Variants in VAV2 observed in about 807,000 individuals in gnomAD.
VAV2 encodes guanine nucleotide exchange factor VAV2.
Under a neutral mutation model 132.5 loss-of-function variants are expected in VAV2, and 67 were observed. The observed-to-expected ratio is 0.51, with a 90% CI of 0.42 to 0.62. The LOEUF (loss-of-function observed/expected upper bound fraction) is 0.62. VAV2 is among the 20% of genes least tolerant of loss of function. The pLI, the probability that VAV2 is intolerant of heterozygous loss-of-function variation, is 0.00. For missense variants in VAV2, 938 were observed against 1,153.6 expected, an observed-to-expected ratio of 0.81 and a Z score of 2.71; for synonymous variants, 492 against 443.5, an observed-to-expected ratio of 1.11 and a Z score of -1.37.
rs137966258 is a variant in VAV2 at position 133,913,906 on chromosome 9, C to T, written c.321+25197G>A. ...GCAGCAGACAGAGGCCCAGCAATGC[C>T]AGCCTGGCTGTCCTCAGCCACTCCC... On this transcript the variant is annotated intron_variant, in intron 2 of 29. Transcript: ENST00000371850. Among the ~76,000 whole-genome samples, 4 of 152,368 alleles carry T rather than the reference C, an allele frequency of 2.6e-5. No individual in the cohort carries two copies. In the East Asian group the frequency reaches 7.7e-4, roughly 29 times the overall value.
At chr9:133,822,593 C>T (rs1472122084) in intron 4 of VAV2, among the ~76,000 whole-genome samples, 2 of 152,158 alleles carry the variant, frequency 1.3e-5, no homozygotes, top group Non-Finnish European at 2.9e-5. Flanking sequence ...GCTTTTTCTA[C>T]AGGTGGGGAA....
In VAV2 at chr9:133,992,024, G is replaced by T; in HGVS notation, c.204+51C>A. On this transcript the variant is annotated intron_variant, in intron 1 of 29. Transcript: ENST00000371850. This position sits in a 1 kb window ranked among gnomAD's most constrained non-coding sequence, Gnocchi z 5.5. ...ACCTCCGCGTTCAGTCCGCGCGTCGGGCAGCGCGAACGCCGCCTCCCCGGG... is the reference window on the plus strand; with the variant it reads ...ACCTCCGCGTTCAGTCCGCGCGTCGTGCAGCGCGAACGCCGCCTCCCCGGG... 1 of 1,423,442 alleles carries T rather than the reference G, an allele frequency of 7.0e-7. No individual in the cohort carries two copies. The highest frequency in any genetic ancestry group is 9.3e-7 in the Non-Finnish European group (1 of 1,078,374). 88.2% of individuals were successfully genotyped at this position (1,423,442 alleles called of 1,614,324 possible).
At chr9:133,923,313 C>T (rs1588375666) in intron 2 of VAV2, among the ~76,000 whole-genome samples, 1 of 152,226 alleles carries the variant, frequency 6.6e-6, no homozygotes, top group South Asian at 2.1e-4. Flanking sequence ...AACTACTATG[C>T]GATATGATCC....
intron 2 of VAV2, among the ~76,000 whole-genome samples, chr9:133,903,563 C>G (rs1032200250): frequency 6.6e-6 from 1 of 152,180 alleles, no homozygotes; most frequent in Non-Finnish European, 1.5e-5. Flanking sequence ...TGCACACAAG[C>G]CTTTTCTGGG....
intron 1 of VAV2, among the ~76,000 whole-genome samples, chr9:133,978,762 T>C (rs1842597116): frequency 6.6e-6 from 1 of 152,198 alleles, no homozygotes; most frequent in Non-Finnish European, 1.5e-5. Flanking sequence ...TGGCCCAAAG[T>C]TCAAGCTCCC....
At chr9:133,829,354 T>C (rs1836174975) in intron 4 of VAV2, among the ~76,000 whole-genome samples, 1 of 152,272 alleles carries the variant, frequency 6.6e-6, no homozygotes, top group Non-Finnish European at 1.5e-5. Flanking sequence ...AGAAAATAAC[T>C]TCAGTGTTAT....
Position 133,830,582 on chromosome 9 carries a change from C to T in VAV2, c.449+3690G>A, listed in dbSNP as rs115683039. ...ACCATGACTATAAGTTTCCTGGGGCCTCCCCAGTCCGGTGGAACTGAGTCA... is the reference window on the plus strand; with the variant it reads ...ACCATGACTATAAGTTTCCTGGGGCTTCCCCAGTCCGGTGGAACTGAGTCA... On this transcript the variant is annotated intron_variant, in intron 4 of 29. Coordinates refer to ENST00000371850, the MANE Select transcript of VAV2 (RefSeq NM_001134398.2). Among the ~76,000 whole-genome samples, 849 of 152,270 alleles carry T rather than the reference C, an allele frequency of 5.6e-3. 10 individuals are homozygous for T. Among genetic ancestry groups the T allele is most frequent in the African/African-American group, 0.019 (805 of 41,548 alleles).
intron 1 of VAV2, 25 bp from the exon 2 acceptor site, chr9:133,939,244 G>A (rs891452678): frequency 4.4e-6 from 7 of 1,600,588 alleles, no homozygotes; most frequent in Non-Finnish European, 6.0e-6. Context: ...CAAAGGGAGG[G>A]CAAGGAAAAA....
chr9:133,844,661 C>G (rs1836859856), intron 3 of VAV2, among the ~76,000 whole-genome samples: 1 of 152,214 alleles, frequency 6.6e-6, no homozygotes, highest in Non-Finnish European at 1.5e-5. Context: ...AAACTGGGCA[C>G]TGATGGGCCA....
chr9:133,982,614 T>C (rs1307505845), intron 1 of VAV2, among the ~76,000 whole-genome samples: 1 of 152,158 alleles, frequency 6.6e-6, no homozygotes, highest in East Asian at 1.9e-4. Flanking sequence ...CGCCTGGTTT[T>C]GGAGGGCTGG....
At chr9:133,854,307 GCA>G (rs746707215) in intron 3 of VAV2, among the ~76,000 whole-genome samples, 1 of 151,646 alleles carries the variant, frequency 6.6e-6, no homozygotes, top group East Asian at 2.0e-4. Context: ...ATGTGCACCT[GCA>G]CACACACCCC....
intron 3 of VAV2, among the ~76,000 whole-genome samples, chr9:133,836,780 T>A (rs1588246022): frequency 6.6e-6 from 1 of 152,206 alleles, no homozygotes; most frequent in East Asian, 1.9e-4. Context: ...GCTAAGCCGA[T>A]CAAGAGATGC....
intron 9 of VAV2, among the ~76,000 whole-genome samples, chr9:133,800,376 G>A (rs752871420): frequency 3.3e-5 from 5 of 152,222 alleles, no homozygotes; most frequent in East Asian, 1.9e-4. Flanking sequence ...GCCTGGAGGC[G>A]GGAGGACGAG....
At chr9:133,945,755 C>T (rs936429917) in intron 1 of VAV2, among the ~76,000 whole-genome samples, 45 of 152,224 alleles carry the variant, frequency 3.0e-4, no homozygotes, top group Admixed American at 2.9e-3. Context: ...AGGCAGGGCT[C>T]CTCCCAGGTC....
At chr9:133,889,317 G>A (rs895326962) in intron 2 of VAV2, among the ~76,000 whole-genome samples, 2 of 152,190 alleles carry the variant, frequency 1.3e-5, no homozygotes, top group Non-Finnish European at 2.9e-5. Context: ...ACATGCCCAC[G>A]CCTGTGTGGG....
At chr9:133,782,552 A>G (rs1019566768) in intron 19 of VAV2, among the ~76,000 whole-genome samples, 2 of 152,152 alleles carry the variant, frequency 1.3e-5, no homozygotes, top group African/African-American at 4.8e-5. Flanking sequence ...TGGTGAATTA[A>G]CCATTGATCT....
intron 21 of VAV2, 41 bp downstream of exon 21, chr9:133,779,877 G>C (rs1417313926): frequency 6.2e-7 from 1 of 1,605,248 alleles, no homozygotes; most frequent in South Asian, 1.1e-5. Context: ...GGTGATGGCT[G>C]ACATGGGTGA....
At chr9:133,848,279 CAA>C (rs34908811) in intron 3 of VAV2, among the ~76,000 whole-genome samples, 29 of 48,622 alleles carry the variant, frequency 6.0e-4, no homozygotes, top group African/African-American at 8.6e-4. Flanking sequence ...GACTCCGTCT[CAA>C]AAAAAAAAAA....
In VAV2 at chr9:133,762,740, CAGA is replaced by C. The variant is rs1457069226; in HGVS notation, c.*1319_*1321del. 1 of 152,588 alleles carries C rather than the reference CAGA, an allele frequency of 6.6e-6. No homozygotes were observed. The highest frequency in any genetic ancestry group is 1.5e-5 in the Non-Finnish European group (1 of 68,332). The allele number at this position is 152,588 out of a possible 1,614,324, so 9.5% of individuals were successfully genotyped here. A position where few individuals can be genotyped will look rare whatever the true frequency, so the allele number is the denominator to read the frequency against. ...AGCCCAGAGGCCACAAGGCCAACCT[CAGA>C]AGGAGCCCCTAGGTCCCCAGCGCCA... On this transcript the variant is annotated 3_prime_UTR_variant, in exon 30 of 30. Coordinates refer to ENST00000371850, the MANE Select transcript of VAV2 (RefSeq NM_001134398.2). The surrounding 1 kb of genome is among the most constrained non-coding windows in gnomAD (Gnocchi z 5.0).
Sources: gnomAD v4.1 joint callset for allele counts (sites outside exome capture counted in the v4.1 genomes callset) on GRCh38, gnomAD v4.1.1 for gene constraint, Gnocchi (gnomAD v3.1) non-coding constraint, MANE v1.5 for transcripts, NCBI Gene and HGNC (gene_info 2026-07-23, HGNC 2026-07-21) for gene names.